C9orf43: variants seen among roughly 807,000 people sequenced by gnomAD.
The protein encoded by C9orf43 is uncharacterized protein C9orf43.
C9orf43 carries 45 observed loss-of-function variants against 59.1 expected under a neutral mutation model. The ratio of observed to expected loss-of-function variants is 0.76; its 90% CI spans 0.60 to 0.98. The LOEUF (loss-of-function observed/expected upper bound fraction) is 0.98, where lower values mean the gene tolerates loss of function less well. C9orf43 is among the 50% of genes least tolerant of loss of function. C9orf43 has a pLI of 0.00. For synonymous variants in C9orf43, 203 were observed against 196.8 expected (o/e 1.03, Z -0.26); for missense variants, 533 against 554.9 (o/e 0.96, Z 0.40).
At chr9:113,414,065 T>A (rs1391622037) in intron 3 of C9orf43, among the ~76,000 whole-genome samples, 171 bp downstream of exon 3, 1 of 152,198 alleles carries the variant, frequency 6.6e-6, no homozygotes, top group African/African-American at 2.4e-5. Flanking sequence ...TTCCTGCTTG[T>A]GCCCTAGGAA....
At chr9:113,424,851 G>T (rs1170504476) in intron 8 of C9orf43, among the ~76,000 whole-genome samples, 168 bp from the exon 9 acceptor site, 1 of 152,006 alleles carries the variant, frequency 6.6e-6, no homozygotes, top group South Asian at 2.1e-4. Flanking sequence ...TCTGCACTTT[G>T]TTCCCCACAC....
chr9:113,417,587 G>C (rs1828413096), intron 3 of C9orf43, among the ~76,000 whole-genome samples: 1 of 152,218 alleles, frequency 6.6e-6, no homozygotes, highest in Admixed American at 6.5e-5. Context: ...CACCAGAAAG[G>C]GTTCCCAAGT....
chr9:113,411,799 C>CCCAAA (rs901008882), intron 1 of C9orf43, among the ~76,000 whole-genome samples: 17 of 152,112 alleles, frequency 1.1e-4, no homozygotes, highest in African/African-American at 3.9e-4. Flanking sequence ...CCACCTCAGC[C>CCCAAA]CCAAATAGCT....
intron 11 of C9orf43, among the ~76,000 whole-genome samples, chr9:113,426,161 C>G (rs969279800): frequency 6.6e-6 from 1 of 152,132 alleles, no homozygotes; most frequent in Non-Finnish European, 1.5e-5. Flanking sequence ...CTCTGGGGCC[C>G]CCTAACCTTC....
rs2119116290 is a variant in C9orf43 at position 113,429,370 on chromosome 9, C to T, written c.1370C>T (p.Ser457Phe). 2 of 1,614,010 alleles carry T rather than the reference C, an allele frequency of 1.2e-6. No homozygotes were observed. Among genetic ancestry groups the T allele is most frequent in the African/African-American group, 2.7e-5 (2 of 75,040 alleles). The change falls in exon 14 of 14, where the codon TCC becomes TTC. Residue 457 changes from serine (S) to phenylalanine (F), a missense_variant. Physicochemically the swap from Ser to Phe is radical, Grantham distance 155. Transcript: ENST00000374165. ...GATGATGAGGATGAGGAGGACCAGT[C>T]CTCTGGGGCAGAGTGAGAAGCCTCT... Reference protein sequence around the residue: ...DTDDEDEEDQSSGAE With the variant: ...DTDDEDEEDQFSGAE
chr9:113,426,950 G>A (rs951954778), intron 11 of C9orf43, among the ~76,000 whole-genome samples: 16 of 152,204 alleles, frequency 1.1e-4, no homozygotes, highest in African/African-American at 3.9e-4. Context: ...GAACTCTTGA[G>A]AGGGAATAGC....
chr9:113,425,328 G>T lies in C9orf43; in HGVS notation c.866-16G>T. 1 of 1,613,732 alleles carries T rather than the reference G, an allele frequency of 6.2e-7. No homozygotes were observed. Among genetic ancestry groups the T allele is most frequent in the South Asian group, 1.1e-5 (1 of 91,060 alleles). On this transcript the variant is annotated splice_polypyrimidine_tract_variant and intron_variant, in intron 9 of 13. Transcript: ENST00000374165. Reference sequence around the variant, plus strand: ...GGGCTGTTAGAAGAGGATCAAGCTGGCTCTCTGGTCACCAGGTTACAGGAA... The same window carrying T: ...GGGCTGTTAGAAGAGGATCAAGCTGTCTCTCTGGTCACCAGGTTACAGGAA...
intron 4 of C9orf43, chr9:113,420,825 C>T (rs1294305185): frequency 2.7e-5 from 26 of 979,946 alleles, no homozygotes; most frequent in Non-Finnish European, 3.2e-5. Context: ...CCCAGGGCAC[C>T]CTCATATGGG....
chr9:113,419,041 A>G, intron 3 of C9orf43, 67 bp from the exon 4 acceptor site: 1 of 1,273,430 alleles, frequency 7.9e-7, no homozygotes, highest in East Asian at 2.3e-5. Context: ...ATTTCCTCAT[A>G]GCACTAACGT....
At chr9:113,420,765 A>C (rs1564405984) in intron 4 of C9orf43, 17 of 985,194 alleles carry the variant, frequency 1.7e-5, no homozygotes, top group Non-Finnish European at 1.9e-5. Context: ...TGTGGGATCT[A>C]AGTCTTTGGA....
At chr9:113,412,543 T>G (rs561305747) in intron 1 of C9orf43, among the ~76,000 whole-genome samples, 2 of 152,284 alleles carry the variant, frequency 1.3e-5, no homozygotes, top group South Asian at 2.1e-4. Context: ...AAGGTGGTAG[T>G]TAGTGATTGC....
chr9:113,416,824 A>G (rs901524594), intron 3 of C9orf43, among the ~76,000 whole-genome samples: 7 of 152,156 alleles, frequency 4.6e-5, no homozygotes, highest in African/African-American at 1.7e-4. Flanking sequence ...CCCTACCTCC[A>G]GTTATGACAA....
Position 113,429,206 on chromosome 9 carries a change from G to A in C9orf43, c.1206G>A (p.Lys402=). Residue 402 remains lysine (K), a synonymous_variant, in exon 14 of 14, where the codon AAG becomes AAA. Transcript: ENST00000374165. ...TGTATGAAACAGAACCCACTAACAA[G>A]GACATTAGTGCTCCAGTGGACGCTG... ...PELYETEPTN[K]DISAPVDAVP... is the part of the protein sequence containing the mutation. The A allele has an allele frequency of 6.2e-7, 1 of 1,614,106 alleles. No individual in the cohort carries two copies. The highest frequency in any genetic ancestry group is 8.5e-7 in the Non-Finnish European group (1 of 1,180,012).
intron 1 of C9orf43, among the ~76,000 whole-genome samples, chr9:113,412,516 A>G (rs967456948): frequency 6.6e-6 from 1 of 152,224 alleles, no homozygotes; most frequent in Non-Finnish European, 1.5e-5. Context: ...CACTGTCCTT[A>G]AAAAGTTCTT....
Position 113,419,113 on chromosome 9 carries a change from C to T in C9orf43, c.293C>T (p.Pro98Leu), listed in dbSNP as rs765544741. 16 of 1,608,906 alleles carry T rather than the reference C, an allele frequency of 9.9e-6. No homozygotes were observed. Among genetic ancestry groups the T allele is most frequent in the Middle Eastern group, 1.6e-4 (1 of 6,074 alleles). Residue 98 changes from proline (P) to leucine (L), a missense_variant, in exon 4 of 14, where the codon CCG becomes CTG. Coordinates refer to ENST00000374165, the MANE Select transcript of C9orf43 (RefSeq NM_001278629.2). ...KFYSKFHGRPPKGLPDKSLIN... is the reference protein window; with the variant it reads ...KFYSKFHGRPLKGLPDKSLIN... ...GTGTGGAACTCATTTTTTAGGCCTC[C>T]GAAGGGTTTACCTGACAAAAGTTTG... is the stretch of plus-strand genomic sequence containing the variant.
intron 12 of C9orf43, 55 bp downstream of exon 12, chr9:113,428,278 G>A (rs1828863970): frequency 6.8e-7 from 1 of 1,464,244 alleles, no homozygotes; most frequent in East Asian, 2.3e-5. Flanking sequence ...CTATTACTAT[G>A]TAACAACCCC....
chr9:113,415,666 G>A (rs1185959603), intron 3 of C9orf43, among the ~76,000 whole-genome samples: 7 of 151,856 alleles, frequency 4.6e-5, no homozygotes, highest in Non-Finnish European at 1.0e-4. Context: ...GGAAAAAGCA[G>A]TGCCTTTTTT....
chr9:113,411,433 G>C (rs1828143259), intron 1 of C9orf43, among the ~76,000 whole-genome samples: 2 of 151,696 alleles, frequency 1.3e-5, no homozygotes, highest in South Asian at 4.1e-4. Flanking sequence ...TTAGTAGCTG[G>C]GACTACAGAC....
intron 3 of C9orf43, among the ~76,000 whole-genome samples, chr9:113,415,549 G>C (rs2119061834): frequency 6.6e-6 from 1 of 151,306 alleles, no homozygotes; most frequent in South Asian, 2.1e-4. Flanking sequence ...GGGTTATCCT[G>C]TAATCCCAGA....
Sources: gnomAD v4.1 joint callset for allele counts (sites outside exome capture counted in the v4.1 genomes callset) on GRCh38, gnomAD v4.1.1 for gene constraint, MANE v1.5 for transcripts, NCBI Gene and HGNC (gene_info 2026-07-23, HGNC 2026-07-21) for gene names.